RAB8B: variants seen among roughly 807,000 people sequenced by gnomAD.
RAB8B encodes ras-related protein Rab-8B.
Under a neutral mutation model 32.0 loss-of-function variants are expected in RAB8B, and 11 were observed. That is an observed-to-expected ratio of 0.34 (90% CI 0.22 to 0.57). The LOEUF (loss-of-function observed/expected upper bound fraction) is 0.57, where lower values mean the gene tolerates loss of function less well. Among genes scored for constraint, RAB8B ranks in the 20% least tolerant of loss-of-function variants. The pLI is 0.86. For synonymous variants in RAB8B, 103 were observed against 89.6 expected, an observed-to-expected ratio of 1.15 and a Z score of -0.85; for missense variants, 190 against 258.5, an observed-to-expected ratio of 0.73 and a Z score of 1.82.
chr15:63,267,184 A>AT lies in RAB8B; in HGVS notation c.*3572dup, dbSNP rs1207165574. On this transcript the variant is annotated 3_prime_UTR_variant, in exon 8 of 8. Coordinates refer to ENST00000321437, the MANE Select transcript of RAB8B (RefSeq NM_016530.3). ...GCACAATTTTAGAGTAGAATAAGTCATTTTTTTAGACTAATAAAATTAATG... is the reference window on the plus strand; with the variant it reads ...GCACAATTTTAGAGTAGAATAAGTCATTTTTTTTAGACTAATAAAATTAATG... 6.6e-6 allele frequency: 1 copy of AT among 152,546 alleles called. No individual in the cohort carries two copies. Among genetic ancestry groups the AT allele is most frequent in the Non-Finnish European group, 1.5e-5 (1 of 68,018 alleles). The allele number at this position is 152,546 out of a possible 1,614,324, so 9.4% of individuals were successfully genotyped here. A position where few individuals can be genotyped will look rare whatever the true frequency, so the allele number is the denominator to read the frequency against.
intron 1 of RAB8B, among the ~76,000 whole-genome samples, chr15:63,195,974 G>A (rs1294437003): frequency 6.6e-6 from 1 of 152,208 alleles, no homozygotes; most frequent in African/African-American, 2.4e-5. Flanking sequence ...CTATGAGTAA[G>A]GGGAGTGGAC....
intron 1 of RAB8B, among the ~76,000 whole-genome samples, chr15:63,214,966 TTC>T (rs1372151554): frequency 6.6e-6 from 1 of 152,186 alleles, no homozygotes; most frequent in Non-Finnish European, 1.5e-5. Flanking sequence ...TTCCACCTCA[TTC>T]TTATGGAGTC....
intron 1 of RAB8B, among the ~76,000 whole-genome samples, chr15:63,225,570 G>T (rs1281297439): frequency 6.6e-6 from 1 of 152,154 alleles, no homozygotes; most frequent in Non-Finnish European, 1.5e-5. Context: ...TCATGGTTTT[G>T]TTAGTTCATC....
intron 1 of RAB8B, among the ~76,000 whole-genome samples, chr15:63,218,660 G>T (rs551078803): frequency 8.6e-4 from 131 of 152,212 alleles, no homozygotes; most frequent in Non-Finnish European, 1.7e-3. Context: ...AACTCTTCTG[G>T]CCTTTTGTGA....
In RAB8B at chr15:63,263,637, A is replaced by T. The variant is rs2038219777; in HGVS notation, c.*18A>T. ...TACTTTGATGAACTCTTTCTGAGAG[A>T]CTGCAGCACACCTAGAGGGCCCTTT... On this transcript the variant is annotated 3_prime_UTR_variant, in exon 8 of 8. Transcript: ENST00000321437. 1.3e-6 allele frequency: 2 copies of T among 1,566,306 alleles called. No homozygotes were observed. Among genetic ancestry groups the T allele is most frequent in the Non-Finnish European group, 1.8e-6 (2 of 1,136,852 alleles).
chr15:63,237,704 G>C (rs550590659), intron 1 of RAB8B, among the ~76,000 whole-genome samples: 45 of 152,068 alleles, frequency 3.0e-4, no homozygotes, highest in African/African-American at 1.0e-3. Context: ...TTTGCTCATT[G>C]TTTCCTTTGC....
At chr15:63,214,846 A>T (rs908083860) in intron 1 of RAB8B, among the ~76,000 whole-genome samples, 12 of 152,350 alleles carry the variant, frequency 7.9e-5, no homozygotes, top group Non-Finnish European at 7.3e-5. Context: ...AAAAGAAACA[A>T]TAAAAATAAT....
At chr15:63,260,389 A>G (rs951179380) in intron 6 of RAB8B, among the ~76,000 whole-genome samples, 17 of 152,236 alleles carry the variant, frequency 1.1e-4, no homozygotes, top group Admixed American at 3.9e-4. Flanking sequence ...TTAAGCTGTT[A>G]GTTTATTGGA....
intron 1 of RAB8B, among the ~76,000 whole-genome samples, chr15:63,213,974 G>A (rs1595737163): frequency 1.3e-5 from 2 of 151,962 alleles, no homozygotes; most frequent in Admixed American, 6.6e-5. Flanking sequence ...CCAGCTACTC[G>A]GGAGGCTGAG....
chr15:63,193,292 A>G (rs562139379), intron 1 of RAB8B, among the ~76,000 whole-genome samples: 31 of 152,154 alleles, frequency 2.0e-4, no homozygotes, highest in African/African-American at 7.2e-4. Flanking sequence ...AGGTCCCTTC[A>G]TTTCCTTTTT....
In RAB8B at chr15:63,266,405, C is replaced by CTA. The variant is rs1347389654; in HGVS notation, c.*2787_*2788dup. On this transcript the variant is annotated 3_prime_UTR_variant, in exon 8 of 8. Coordinates refer to ENST00000321437, the MANE Select transcript of RAB8B (RefSeq NM_016530.3). ...TTCAGACAGATTATGATACAATAAT[C>CTA]TACCTGTGCATCAGTTAGTAGGTGC... 1.3e-5 allele frequency: 2 copies of CTA among 152,580 alleles called. No homozygotes were observed. Among genetic ancestry groups the CTA allele is most frequent in the African/African-American group, 4.8e-5 (2 of 41,456 alleles). 9.5% of individuals were successfully genotyped at this position (152,580 alleles called of 1,614,324 possible). A position where few individuals can be genotyped will look rare whatever the true frequency, so the allele number is the denominator to read the frequency against.
rs1451547037 is a variant in RAB8B, at chr15:63,267,030, G to A, written c.*3411G>A. On this transcript the variant is annotated 3_prime_UTR_variant, in exon 8 of 8. Transcript: ENST00000321437. ...GAATTTTTTTTTTTTAAACAGAAGA[G>A]ACATTCCTTTTTCCTTGTTACATCC... 6.6e-6 allele frequency: 1 copy of A among 152,128 alleles called. No homozygotes were observed. The highest frequency in any genetic ancestry group is 1.5e-5 in the Non-Finnish European group (1 of 67,946). 9.4% of individuals were successfully genotyped at this position (152,128 alleles called of 1,614,324 possible). A position where few individuals can be genotyped will look rare whatever the true frequency, so the allele number is the denominator to read the frequency against.
At position 63,264,007 on chromosome 15, in the gene RAB8B, G is replaced by T. The variant is rs780750165; in HGVS notation, c.*388G>T. On this transcript the variant is annotated 3_prime_UTR_variant, in exon 8 of 8. Coordinates refer to ENST00000321437, the MANE Select transcript of RAB8B (RefSeq NM_016530.3). ...AGTTCTAGACAAATTTGTACATGTG[G>T]CAATGTTAAAAGAGCATTTACAGCA... The T allele has an allele frequency of 8.6e-5, 14 of 163,704 alleles. No individual in the cohort carries two copies. The highest frequency in any genetic ancestry group is 1.3e-4 in the Non-Finnish European group (10 of 74,224). The allele number at this position is 163,704 out of a possible 1,614,324, so 10.1% of individuals were successfully genotyped here. A position where few individuals can be genotyped will look rare whatever the true frequency, so the allele number is the denominator to read the frequency against.
Position 63,258,100 on chromosome 15 carries a change from G to GTT in RAB8B, c.415-1514_415-1513dup, listed in dbSNP as rs71131155. Among the ~76,000 whole-genome samples the GTT allele has an allele frequency of 3.9e-3, 555 of 142,190 alleles. 2 individuals carry two copies. The highest frequency in any genetic ancestry group is 0.012 in the African/African-American group (481 of 38,758). The allele number at this position is 142,190 out of a possible 152,430, so 93.3% of individuals were successfully genotyped here. Reference sequence around the variant, plus strand: ...AAAAAAGTAATTAAAAGTAAGTATAGTTTTTTTTTTTTTTATTTGAGATGG... The same window carrying GTT: ...AAAAAAGTAATTAAAAGTAAGTATAGTTTTTTTTTTTTTTTTATTTGAGATGG... On this transcript the variant is annotated intron_variant, in intron 5 of 7. Coordinates refer to ENST00000321437, the MANE Select transcript of RAB8B (RefSeq NM_016530.3).
intron 1 of RAB8B, among the ~76,000 whole-genome samples, chr15:63,235,400 A>G (rs1312202591): frequency 2.0e-5 from 3 of 152,102 alleles, no homozygotes; most frequent in Admixed American, 6.5e-5. Context: ...ACATACCTCC[A>G]TGTATGTTTT....
At position 63,266,171 on chromosome 15, in the gene RAB8B, T is replaced by TA. The variant is rs2038246049; in HGVS notation, c.*2554dup. The TA allele has an allele frequency of 6.6e-6, 1 of 152,534 alleles. No homozygotes were observed. The highest frequency in any genetic ancestry group is 2.1e-4 in the South Asian group (1 of 4,828). The allele number at this position is 152,534 out of a possible 1,614,324, so 9.4% of individuals were successfully genotyped here. ...GTGAACATTTTTGTGGTCTTATGGA[T>TA]AAGGTACATGAAGATTTTTGCAGCA... On this transcript the variant is annotated 3_prime_UTR_variant, in exon 8 of 8. Coordinates refer to ENST00000321437, the MANE Select transcript of RAB8B (RefSeq NM_016530.3).
intron 4 of RAB8B, among the ~76,000 whole-genome samples, chr15:63,255,932 G>C (rs1458178665): frequency 6.6e-6 from 1 of 152,220 alleles, no homozygotes; most frequent in Non-Finnish European, 1.5e-5. Context: ...CTGGTTCCCA[G>C]CTTCTATCCC....
At chr15:63,199,277 A>G (rs2037628266) in intron 1 of RAB8B, among the ~76,000 whole-genome samples, 1 of 152,224 alleles carries the variant, frequency 6.6e-6, no homozygotes, top group Non-Finnish European at 1.5e-5. Context: ...AAACTATTGG[A>G]TAAAGAGTTA....
At chr15:63,218,297 T>G (rs1313881177) in intron 1 of RAB8B, among the ~76,000 whole-genome samples, 1 of 152,208 alleles carries the variant, frequency 6.6e-6, no homozygotes, top group Non-Finnish European at 1.5e-5. Flanking sequence ...GTTATGAGAA[T>G]AGTGATAAGG....
Sources: gnomAD v4.1 joint callset for allele counts (sites outside exome capture counted in the v4.1 genomes callset) on GRCh38, gnomAD v4.1.1 for gene constraint, MANE v1.5 for transcripts, NCBI Gene and HGNC (gene_info 2026-07-23, HGNC 2026-07-21) for gene names.